MAD1L1: variants seen among roughly 807,000 people sequenced by gnomAD.
MAD1L1 encodes mitotic spindle assembly checkpoint protein MAD1.
Under a neutral mutation model 96.9 loss-of-function variants are expected in MAD1L1, and 95 were observed. That is an observed-to-expected ratio of 0.98 (90% CI 0.83 to 1.16). MAD1L1 has a LOEUF of 1.16. MAD1L1 is among the 50% of genes most tolerant of loss of function. The pLI is 0.00. For missense variants in MAD1L1, 1,007 were observed against 954.4 expected (o/e 1.06, Z -0.73); for synonymous variants, 473 against 396.6 (o/e 1.19, Z -2.29).
chr7:2,071,527 G>T (rs1218260725), intron 11 of MAD1L1, among the ~76,000 whole-genome samples: 1 of 152,260 alleles, frequency 6.6e-6, no homozygotes, highest in Non-Finnish European at 1.5e-5. Flanking sequence ...ATGTGCCAAT[G>T]ACTGACGGTG....
chr7:2,219,550 A>G (rs1793478362), intron 5 of MAD1L1, 94 bp from the exon 6 acceptor site: 7 of 1,358,760 alleles, frequency 5.2e-6, no homozygotes, highest in South Asian at 1.3e-5. Flanking sequence ...GAGAGGCGAC[A>G]CCACCCACGT....
intron 12 of MAD1L1, among the ~76,000 whole-genome samples, chr7:2,054,055 C>G (rs1784294609): frequency 6.6e-6 from 1 of 152,234 alleles, no homozygotes; most frequent in Non-Finnish European, 1.5e-5. Flanking sequence ...GGCACTCCCA[C>G]CAGGGCCAGA....
At chr7:1,985,635 T>C (rs1032114484) in intron 14 of MAD1L1, among the ~76,000 whole-genome samples, 1 of 152,266 alleles carries the variant, frequency 6.6e-6, no homozygotes, top group East Asian at 1.9e-4. Flanking sequence ...CTGACACTTC[T>C]TTTTGAATAC....
intron 10 of MAD1L1, among the ~76,000 whole-genome samples, chr7:2,191,481 A>G (rs1260934472): frequency 6.6e-6 from 1 of 152,188 alleles, no homozygotes; most frequent in African/African-American, 2.4e-5. Flanking sequence ...CTGTAATCCC[A>G]CCATTTTGGG....
intron 15 of MAD1L1, among the ~76,000 whole-genome samples, chr7:1,976,889 G>A (rs1040056117): frequency 6.6e-6 from 1 of 152,158 alleles, no homozygotes; most frequent in Non-Finnish European, 1.5e-5. Flanking sequence ...AGACATAAAA[G>A]CTCTCCAAGT....
At position 2,181,640 on chromosome 7, in the gene MAD1L1, G is replaced by A. The variant is rs149454436; in HGVS notation, c.986+31572C>T. On this transcript the variant is annotated intron_variant, in intron 10 of 18. Coordinates refer to ENST00000265854, the MANE Select transcript of MAD1L1 (RefSeq NM_001013836.2). Reference sequence around the variant, plus strand: ...CAGAAAACAGTACAAAGATTCCTTCGAGAACTGAAAGTAGAGCTACCGTTT... The same window carrying A: ...CAGAAAACAGTACAAAGATTCCTTCAAGAACTGAAAGTAGAGCTACCGTTT... 2.3e-3 allele frequency among the ~76,000 whole-genome samples: 348 copies of A among 152,286 alleles called. 1 individual carries two copies. Among genetic ancestry groups the A allele is most frequent in the African/African-American group, 8.2e-3 (339 of 41,550 alleles).
intron 18 of MAD1L1, among the ~76,000 whole-genome samples, chr7:1,817,259 C>A (rs1251003081): frequency 6.6e-6 from 1 of 152,134 alleles, no homozygotes; most frequent in Non-Finnish European, 1.5e-5. Flanking sequence ...GCGGCCACTG[C>A]AAACAGCCGG....
chr7:2,142,585 T>C lies in MAD1L1; in HGVS notation c.1073+6567A>G, dbSNP rs1789093812. Among the ~76,000 whole-genome samples the C allele has an allele frequency of 6.6e-6, 1 of 152,196 alleles. No homozygotes were observed. Among genetic ancestry groups the C allele is most frequent in the South Asian group, 2.1e-4 (1 of 4,828 alleles). On this transcript the variant is annotated intron_variant, in intron 11 of 18. Coordinates refer to ENST00000265854, the MANE Select transcript of MAD1L1 (RefSeq NM_001013836.2). The surrounding 1 kb of genome is among the most constrained non-coding windows in gnomAD (Gnocchi z 4.7). ...GGTGCCACCCAGAGCTCCTGGCGCG[T>C]GCCCTGCCACAGCCCTGGACCAGAC...
intron 10 of MAD1L1, among the ~76,000 whole-genome samples, chr7:2,185,204 C>T (rs563141441): frequency 3.6e-4 from 28 of 78,692 alleles, no homozygotes; most frequent in Middle Eastern, 5.6e-3. Flanking sequence ...CCCACACTCT[C>T]TTGCCTCCCC....
intron 10 of MAD1L1, among the ~76,000 whole-genome samples, chr7:2,166,794 T>A (rs900546398): frequency 1.8e-4 from 27 of 152,166 alleles, no homozygotes; most frequent in African/African-American, 6.3e-4. Flanking sequence ...GGCAGGGAGC[T>A]GCAGGGCCTC....
intron 17 of MAD1L1, among the ~76,000 whole-genome samples, chr7:1,913,790 C>T (rs938880088): frequency 6.6e-5 from 10 of 152,128 alleles, no homozygotes; most frequent in African/African-American, 2.2e-4. Context: ...GTCCGGATTC[C>T]GTGGGGAGTG....
chr7:1,999,846 C>T (rs920655223), intron 14 of MAD1L1, among the ~76,000 whole-genome samples: 2 of 152,198 alleles, frequency 1.3e-5, no homozygotes, highest in African/African-American at 4.8e-5. Context: ...GCTCCCCTTC[C>T]GGGTCTTCTC....
intron 12 of MAD1L1, among the ~76,000 whole-genome samples, chr7:2,024,757 G>A (rs1031184296): frequency 6.6e-6 from 1 of 152,084 alleles, no homozygotes; most frequent in African/African-American, 2.4e-5. Context: ...CCAGCCCTGG[G>A]TTCAGCCAGA....
intron 10 of MAD1L1, among the ~76,000 whole-genome samples, chr7:2,188,268 A>C (rs781295555): frequency 1.4e-4 from 21 of 152,238 alleles, no homozygotes; most frequent in Non-Finnish European, 2.9e-4. Flanking sequence ...CACCGCCCAA[A>C]GCCATCTAGA....
At chr7:1,908,736 G>C (rs1289936035) in intron 17 of MAD1L1, among the ~76,000 whole-genome samples, 1 of 152,100 alleles carries the variant, frequency 6.6e-6, no homozygotes, top group Admixed American at 6.5e-5. Flanking sequence ...AATCCGTTCT[G>C]ACTTCTGGTC....
chr7:2,080,743 A>G (rs3800879), intron 11 of MAD1L1, among the ~76,000 whole-genome samples: 101,466 of 152,030 alleles, frequency 0.67, 34,061 homozygotes, highest in South Asian at 0.77. Flanking sequence ...GTGCGGAGCC[A>G]GATTTTCCCA....
At chr7:1,849,323 C>T (rs1562454822) in intron 18 of MAD1L1, 1 of 152,244 alleles carries the variant, frequency 6.6e-6, no homozygotes, top group Non-Finnish European at 1.5e-5. Context: ...GTTTACCAGC[C>T]GTCCTTCCAG....
chr7:2,224,996 G>A (rs1793807272), intron 4 of MAD1L1, among the ~76,000 whole-genome samples: 1 of 152,216 alleles, frequency 6.6e-6, no homozygotes, highest in Non-Finnish European at 1.5e-5. Flanking sequence ...TCTTCCAGAG[G>A]GAAGAGGAAA....
At chr7:1,822,709 C>T (rs943779184) in intron 18 of MAD1L1, among the ~76,000 whole-genome samples, 15 of 149,996 alleles carry the variant, frequency 1.0e-4, no homozygotes, top group Admixed American at 2.0e-4. Flanking sequence ...CAGGCGTGAG[C>T]CACCATGCCC....
Sources: allele counts gnomAD v4.1 joint callset (sites outside exome capture counted in the v4.1 genomes callset), GRCh38; gene constraint gnomAD v4.1.1; non-coding constraint Gnocchi (gnomAD v3.1); transcripts MANE v1.5; gene names NCBI Gene and HGNC (gene_info 2026-07-23, HGNC 2026-07-21).